PIK3R3: variants seen among roughly 807,000 people sequenced by gnomAD.
PIK3R3 encodes phosphatidylinositol 3-kinase regulatory subunit gamma.
A neutral mutation model predicts 62.9 loss-of-function variants in PIK3R3; 64 were observed. The ratio of observed to expected loss-of-function variants is 1.02; its 90% confidence interval spans 0.83 to 1.25. PIK3R3 has a LOEUF of 1.25. Ranked by LOEUF, PIK3R3 falls within the 50% of genes most tolerant of loss-of-function variation. PIK3R3 has a pLI of 0.00. For synonymous variants in PIK3R3, 165 were observed against 189.0 expected, an observed-to-expected ratio of 0.87 and a Z score of 1.04; for missense variants, 614 against 561.6, an observed-to-expected ratio of 1.09 and a Z score of -0.94.
the PIK3R3 span, among the ~76,000 whole-genome samples, chr1:46,169,013 C>T: frequency 1.3e-5 from 2 of 152,316 alleles, no homozygotes; most frequent in African/African-American, 2.4e-5. Flanking sequence ...ATAGAAGGAA[C>T]CTTGGTTCAG....
chr1:46,105,086 G>C (rs1023799696), intron 1 of PIK3R3: 1 of 743,280 alleles, frequency 1.3e-6, no homozygotes, highest in African/African-American at 1.7e-5. Context: ...CTCTATTGCT[G>C]TATGGACTTA....
At position 46,043,484 on chromosome 1, in the gene PIK3R3, A is replaced by G; in HGVS notation, c.*189T>C. ...GTATGTCAGTGCAGCGGCATGGCTG[A>G]GTCCTAGAGAACCTCAGGCCTCTAA... is the stretch of plus-strand genomic sequence containing the variant. On this transcript the variant is annotated 3_prime_UTR_variant, in exon 10 of 10. Coordinates refer to ENST00000262741, the MANE Select transcript of PIK3R3 (RefSeq NM_003629.4). 1 of 587,968 alleles carries G rather than the reference A, an allele frequency of 1.7e-6. No homozygotes were observed. The allele number at this position is 587,968 out of a possible 1,614,324, so 36.4% of individuals were successfully genotyped here.
At chr1:46,167,602 T>C in the PIK3R3 span, among the ~76,000 whole-genome samples, 6 of 152,206 alleles carry the variant, frequency 3.9e-5, no homozygotes, top group African/African-American at 1.4e-4. Context: ...CTCCCAGCTG[T>C]AGTCTCACCA....
intron 1 of PIK3R3, among the ~76,000 whole-genome samples, chr1:46,108,955 C>T (rs1045963784): frequency 6.6e-6 from 1 of 152,120 alleles, no homozygotes; most frequent in Non-Finnish European, 1.5e-5. Context: ...GTCAGGAGAT[C>T]GAGACTATCC....
At chr1:46,155,584 A>G in the PIK3R3 span, among the ~76,000 whole-genome samples, 1 of 151,908 alleles carries the variant, frequency 6.6e-6, no homozygotes, top group Non-Finnish European at 1.5e-5. Flanking sequence ...AGCAGCTGTG[A>G]CTACAGGCAC....
chr1:46,137,642 C>T (rs116359209), upstream of PIK3R3, among the ~76,000 whole-genome samples: 311 of 152,322 alleles, frequency 2.0e-3, 2 homozygotes, highest in African/African-American at 6.7e-3. Context: ...CTGCACAGCC[C>T]TTGGCACACC....
At chr1:46,075,276 C>T (rs1649962918) in intron 3 of PIK3R3, among the ~76,000 whole-genome samples, 2 of 152,120 alleles carry the variant, frequency 1.3e-5, no homozygotes, top group African/African-American at 4.8e-5. Context: ...TTAAGAGAGC[C>T]AATTCCGGGA....
intron 1 of PIK3R3, among the ~76,000 whole-genome samples, chr1:46,114,012 A>G (rs1653958873): frequency 6.6e-6 from 1 of 152,232 alleles, no homozygotes; most frequent in African/African-American, 2.4e-5. Flanking sequence ...TATGTCTTTC[A>G]TAATTACAGT....
At chr1:46,053,111 C>T (rs1179372866) in intron 7 of PIK3R3, among the ~76,000 whole-genome samples, 1 of 152,200 alleles carries the variant, frequency 6.6e-6, no homozygotes, top group Admixed American at 6.5e-5. Context: ...CCATGGGACA[C>T]TGAACTATTC....
chr1:46,071,720 T>TATATAA (rs1649525527), intron 3 of PIK3R3, among the ~76,000 whole-genome samples: 1 of 29,504 alleles, frequency 3.4e-5, no homozygotes, highest in South Asian at 7.9e-4. Context: ...AAAATATATA[T>TATATAA]ATATATATAT....
chr1:46,120,191 C>T (rs1370276496), intron 1 of PIK3R3, among the ~76,000 whole-genome samples: 1 of 152,212 alleles, frequency 6.6e-6, no homozygotes, highest in Non-Finnish European at 1.5e-5. Flanking sequence ...GAGATGTTAG[C>T]TTCCTCATCT....
chr1:46,105,073 T>C, intron 1 of PIK3R3: 5 of 749,062 alleles, frequency 6.7e-6, no homozygotes, highest in Non-Finnish European at 1.2e-5. Flanking sequence ...GTGGAGCCAC[T>C]TTCTCTATTG....
chr1:46,125,679 A>T (rs1006154405), intron 1 of PIK3R3, among the ~76,000 whole-genome samples: 13 of 152,348 alleles, frequency 8.5e-5, no homozygotes, highest in Non-Finnish European at 1.0e-4. Flanking sequence ...CTTCAAAGTC[A>T]GAAGATACTT....
At chr1:46,151,468 G>C in the PIK3R3 span, among the ~76,000 whole-genome samples, 2 of 152,192 alleles carry the variant, frequency 1.3e-5, no homozygotes, top group Non-Finnish European at 2.9e-5. Flanking sequence ...CCCCAGCCAG[G>C]CACAGTGGTT....
the PIK3R3 span, among the ~76,000 whole-genome samples, chr1:46,171,004 A>G: frequency 6.6e-6 from 1 of 152,232 alleles, no homozygotes; most frequent in African/African-American, 2.4e-5. Context: ...AACTCCATGA[A>G]TCTAGAATTT....
At chr1:46,071,559 G>A (rs1227658008) in intron 3 of PIK3R3, among the ~76,000 whole-genome samples, 1 of 150,804 alleles carries the variant, frequency 6.6e-6, no homozygotes, top group Non-Finnish European at 1.5e-5. Flanking sequence ...AGCTGGGCGT[G>A]GTGGCACACG....
chr1:46,099,057 T>C (rs1275836651), intron 1 of PIK3R3, among the ~76,000 whole-genome samples: 2 of 152,154 alleles, frequency 1.3e-5, no homozygotes, highest in Non-Finnish European at 2.9e-5. Context: ...TGTTCTGGAA[T>C]AAGATAGTTG....
At chr1:46,063,245 T>C (rs1648683155) in intron 5 of PIK3R3, among the ~76,000 whole-genome samples, 1 of 152,234 alleles carries the variant, frequency 6.6e-6, no homozygotes, top group Non-Finnish European at 1.5e-5. Flanking sequence ...AAAGGAGGCA[T>C]GGTATAATGT....
At chr1:46,174,668 C>T in the PIK3R3 span, among the ~76,000 whole-genome samples, 1 of 152,134 alleles carries the variant, frequency 6.6e-6, no homozygotes, top group Non-Finnish European at 1.5e-5. Flanking sequence ...AGACACAACC[C>T]CACAGAAACC....
Sources: gnomAD v4.1 joint callset for allele counts (sites outside exome capture counted in the v4.1 genomes callset) on GRCh38, gnomAD v4.1.1 for gene constraint, MANE v1.5 for transcripts, NCBI Gene and HGNC (gene_info 2026-07-23, HGNC 2026-07-21) for gene names.